MEGF10: variants seen among roughly 807,000 people sequenced by gnomAD.
The protein encoded by MEGF10 is multiple EGF like domains 10.
MEGF10 carries 86 observed loss-of-function variants against 147.5 expected under a neutral mutation model. The observed-to-expected ratio is 0.58, with a 90% CI of 0.49 to 0.70. The LOEUF (loss-of-function observed/expected upper bound fraction) is 0.70, where lower values mean the gene tolerates loss of function less well. Among genes scored for constraint, MEGF10 ranks in the 30% least tolerant of loss-of-function variants. The pLI is 0.00. For missense variants in MEGF10, 1,329 were observed against 1,487.3 expected, an observed-to-expected ratio of 0.89 and a Z score of 1.75; for synonymous variants, 478 against 525.5, an observed-to-expected ratio of 0.91 and a Z score of 1.24.
intron 1 of MEGF10, among the ~76,000 whole-genome samples, chr5:127,292,405 C>T (rs749682057): frequency 1.8e-4 from 28 of 152,182 alleles, no homozygotes; most frequent in Non-Finnish European, 2.8e-4. Context: ...ATAGTAGGCA[C>T]AAATTAGCTT....
chr5:127,371,202 T>C (rs1301531362), intron 5 of MEGF10, among the ~76,000 whole-genome samples: 1 of 107,796 alleles, frequency 9.3e-6, no homozygotes, highest in Non-Finnish European at 2.1e-5. Flanking sequence ...TGTGTGTGTG[T>C]GTGTGTGTGT....
At chr5:127,373,949 CTAGGACTTTTA>C in intron 5 of MEGF10, among the ~76,000 whole-genome samples, 1 of 152,292 alleles carries the variant, frequency 6.6e-6, no homozygotes, top group Admixed American at 6.5e-5. Flanking sequence ...AATATGCCCT[CTAGGACTTTTA>C]TAGGACTTTG....
intron 5 of MEGF10, among the ~76,000 whole-genome samples, chr5:127,373,826 C>G (rs1762929823): frequency 6.6e-6 from 1 of 152,102 alleles, no homozygotes; most frequent in Non-Finnish European, 1.5e-5. Context: ...CATAGAATGT[C>G]CAAAAAGGAA....
chr5:127,373,686 A>C (rs1762925814), intron 5 of MEGF10, among the ~76,000 whole-genome samples: 1 of 152,204 alleles, frequency 6.6e-6, no homozygotes, highest in Non-Finnish European at 1.5e-5. Context: ...GAGAAAGTTT[A>C]ATATAAAGAA....
intron 22 of MEGF10, among the ~76,000 whole-genome samples, chr5:127,450,976 C>G (rs1221324639): frequency 3.9e-5 from 6 of 152,132 alleles, no homozygotes; most frequent in Admixed American, 2.6e-4. Flanking sequence ...CCAGGCTGGT[C>G]TCAAACTCCT....
intron 8 of MEGF10, among the ~76,000 whole-genome samples, chr5:127,404,421 ATTAC>A (rs2126938659): frequency 6.6e-6 from 1 of 152,198 alleles, no homozygotes; most frequent in Non-Finnish European, 1.5e-5. Flanking sequence ...GAAGACCGCA[ATTAC>A]TTTTACACCA....
chr5:127,322,376 G>C (rs145580396), intron 1 of MEGF10, among the ~76,000 whole-genome samples: 31 of 152,028 alleles, frequency 2.0e-4, no homozygotes, highest in African/African-American at 7.5e-4. Flanking sequence ...TCCTGCCTTC[G>C]CTCTTACTGA....
chr5:127,239,596 A>G, the MEGF10 span, among the ~76,000 whole-genome samples: 1 of 151,598 alleles, frequency 6.6e-6, no homozygotes. Context: ...TAGTACTCTC[A>G]TGACTTTTCT....
At chr5:127,394,966 C>G (rs1208222735) in intron 5 of MEGF10, among the ~76,000 whole-genome samples, 1 of 152,134 alleles carries the variant, frequency 6.6e-6, no homozygotes, top group African/African-American at 2.4e-5. Context: ...TATTGGAAGA[C>G]GAATTCAGTA....
chr5:127,277,986 C>A, the MEGF10 span, among the ~76,000 whole-genome samples: 2 of 152,088 alleles, frequency 1.3e-5, no homozygotes, highest in Non-Finnish European at 2.9e-5. Context: ...GTCCAGGAGG[C>A]AGCTGGGCAG....
rs1193782268 is a variant in MEGF10 at position 127,331,323 on chromosome 5, G to A, written c.15G>A (p.Leu5=). 2.5e-6 allele frequency: 4 copies of A among 1,609,298 alleles called. No individual in the cohort carries two copies. In the African/African-American group the frequency reaches 5.4e-5, roughly 22 times the overall value. MVIS[L]NSCLSFICLL... ...TTCAGAAAAAAATGGTTATTTCTTTGAACTCATGCCTGAGCTTTATTTGTT... is the reference window on the plus strand; with the variant it reads ...TTCAGAAAAAAATGGTTATTTCTTTAAACTCATGCCTGAGCTTTATTTGTT... The change falls in exon 2 of 25, where the codon TTG becomes TTA. Residue 5 remains leucine, a synonymous_variant. Transcript: ENST00000503335.
chr5:127,449,849 A>T (rs561099381), intron 22 of MEGF10, among the ~76,000 whole-genome samples: 5 of 152,342 alleles, frequency 3.3e-5, no homozygotes, highest in Admixed American at 3.3e-4. Flanking sequence ...TTCTGTTGAT[A>T]GGGGCTATAT....
At chr5:127,380,069 T>TG (rs1446583124) in intron 5 of MEGF10, among the ~76,000 whole-genome samples, 3 of 151,032 alleles carry the variant, frequency 2.0e-5, no homozygotes, top group African/African-American at 4.9e-5. Flanking sequence ...GTTAACTTGT[T>TG]TTTTTTTTTT....
the MEGF10 span, among the ~76,000 whole-genome samples, chr5:127,259,555 C>T: frequency 1.3e-5 from 2 of 152,154 alleles, no homozygotes; most frequent in African/African-American, 4.8e-5. Context: ...AATATAATGT[C>T]CACATTCCTA....
At chr5:127,434,320 G>A (rs1193532679) in intron 14 of MEGF10, among the ~76,000 whole-genome samples, 1 of 152,130 alleles carries the variant, frequency 6.6e-6, no homozygotes, top group African/African-American at 2.4e-5. Context: ...CAAATGGTTT[G>A]AGAGTACTTA....
At chr5:127,339,004 A>G in intron 2 of MEGF10, 116 bp from the exon 3 acceptor site, 1 of 504,674 alleles carries the variant, frequency 2.0e-6, no homozygotes, top group Non-Finnish European at 3.3e-6. Context: ...TGTCTGTTAA[A>G]AGTCACTATG....
the MEGF10 span, among the ~76,000 whole-genome samples, chr5:127,234,567 C>T: frequency 6.6e-6 from 1 of 152,214 alleles, no homozygotes; most frequent in Admixed American, 6.5e-5. Flanking sequence ...CTCCTCTATG[C>T]ATCCACCAAA....
chr5:127,415,061 G>A (rs1240221617), intron 9 of MEGF10, among the ~76,000 whole-genome samples: 3 of 150,384 alleles, frequency 2.0e-5, no homozygotes, highest in South Asian at 2.1e-4. Context: ...CCATGTGGAC[G>A]CCCCTAAATT....
intron 4 of MEGF10, among the ~76,000 whole-genome samples, chr5:127,350,997 A>AG (rs1026216257): frequency 2.8e-4 from 41 of 147,894 alleles, no homozygotes; most frequent in African/African-American, 9.6e-4. Context: ...GAGGATGGGA[A>AG]GGATAGTGGG....
Sources: gnomAD v4.1 joint callset for allele counts (sites outside exome capture counted in the v4.1 genomes callset) on GRCh38, gnomAD v4.1.1 for gene constraint, MANE v1.5 for transcripts, NCBI Gene and HGNC (gene_info 2026-07-23, HGNC 2026-07-21) for gene names.